The following FRS2 variants were observed in gnomAD, a reference collection of about 807,000 sequenced individuals.
The protein encoded by FRS2 is fibroblast growth factor receptor substrate 2.
In FRS2, 8 loss-of-function variants were observed where a neutral mutation model predicts 43.9. The observed-to-expected ratio is 0.18, with a 90% CI of 0.11 to 0.33. The LOEUF (loss-of-function observed/expected upper bound fraction) is 0.33, where lower values mean the gene tolerates loss of function less well. FRS2 is among the 10% of genes least tolerant of loss of function. The pLI is 1.00. For missense variants in FRS2, 534 were observed against 627.6 expected, an observed-to-expected ratio of 0.85 and a Z score of 1.59; for synonymous variants, 219 against 220.3, an observed-to-expected ratio of 0.99 and a Z score of 0.05.
Position 69,530,971 on chromosome 12 carries a change from C to T in FRS2, c.-165+11C>T, listed in dbSNP as rs1876727791. 1 of 149,132 alleles carries T rather than the reference C, an allele frequency of 6.7e-6. No homozygotes were observed. The highest frequency in any genetic ancestry group is 2.5e-5 in the African/African-American group (1 of 39,502). The allele number at this position is 149,132 out of a possible 1,614,324, so 9.2% of individuals were successfully genotyped here. A position where few individuals can be genotyped will look rare whatever the true frequency, so the allele number is the denominator to read the frequency against. ...ATGTCAACCAGCTTGGTAAGTGTGG[C>T]CAAATCTTTTTTTTTTTTTTTTTAA... On this transcript the variant is annotated intron_variant, in intron 2 of 8. Transcript: ENST00000549921.
intron 3 of FRS2, among the ~76,000 whole-genome samples, chr12:69,539,424 G>A (rs1877659397): frequency 6.6e-6 from 1 of 152,118 alleles, no homozygotes; most frequent in African/African-American, 2.4e-5. Context: ...TACATAATGA[G>A]ATATCTTGGG....
chr12:69,570,025 C>T (rs1379113607), intron 5 of FRS2, among the ~76,000 whole-genome samples: 1 of 152,318 alleles, frequency 6.6e-6, no homozygotes, highest in East Asian at 1.9e-4. Context: ...CCCTCCTCCT[C>T]TTAAATGAAG....
chr12:69,527,343 A>ATTTTTTTTTT (rs1166365306), intron 1 of FRS2, among the ~76,000 whole-genome samples: 7,942 of 83,960 alleles, frequency 0.095, 794 homozygotes, highest in East Asian at 0.12. Context: ...TTTTTTAATG[A>ATTTTTTTTTT]TTTTTTTTTT....
chr12:69,567,974 C>A (rs1180125343), intron 4 of FRS2, among the ~76,000 whole-genome samples: 1 of 152,200 alleles, frequency 6.6e-6, no homozygotes, highest in South Asian at 2.1e-4. Flanking sequence ...AAGCTTCAAT[C>A]AAATTTATGT....
intron 1 of FRS2, among the ~76,000 whole-genome samples, chr12:69,482,365 G>A (rs568253227): frequency 5.3e-5 from 8 of 152,118 alleles, no homozygotes; most frequent in Non-Finnish European, 8.8e-5. Flanking sequence ...TTGATATTAC[G>A]GGAGTGTTGG....
At chr12:69,556,033 G>A (rs1879317927) in intron 3 of FRS2, among the ~76,000 whole-genome samples, 1 of 150,408 alleles carries the variant, frequency 6.6e-6, no homozygotes, top group African/African-American at 2.4e-5. Flanking sequence ...TGTACACATG[G>A]TATACACATT....
At chr12:69,570,562 T>C (rs1195151157) in intron 6 of FRS2, 45 bp downstream of exon 6, 1 of 1,183,904 alleles carries the variant, frequency 8.4e-7, no homozygotes, top group African/African-American at 1.5e-5. Context: ...TTGAAATTGT[T>C]TTTTCAGCTA....
intron 3 of FRS2, among the ~76,000 whole-genome samples, chr12:69,538,568 G>A (rs1336598470): frequency 6.6e-6 from 1 of 151,662 alleles, no homozygotes. Context: ...AATGTTTAAG[G>A]TAAGGAGTGT....
At chr12:69,559,957 G>A (rs1490727140) in intron 3 of FRS2, among the ~76,000 whole-genome samples, 1 of 152,084 alleles carries the variant, frequency 6.6e-6, no homozygotes, top group East Asian at 1.9e-4. Flanking sequence ...CAAAATTACT[G>A]TAGTATAAGC....
At chr12:69,505,928 G>A (rs1273781684) in intron 1 of FRS2, among the ~76,000 whole-genome samples, 1 of 152,092 alleles carries the variant, frequency 6.6e-6, no homozygotes, top group East Asian at 1.9e-4. Flanking sequence ...TTGGTTGATT[G>A]CAATCCACCC....
chr12:69,575,427 A>C lies in FRS2; in HGVS notation c.*472A>C, dbSNP rs1320337631. 1 of 154,764 alleles carries C rather than the reference A, an allele frequency of 6.5e-6. No individual in the cohort carries two copies. Among genetic ancestry groups the C allele is most frequent in the Non-Finnish European group, 1.4e-5 (1 of 69,528 alleles). 9.6% of individuals were successfully genotyped at this position (154,764 alleles called of 1,614,324 possible). The stretch of plus-strand genomic sequence containing the variant: ...ACATGAGGAATCCTTTATTTCATTA[A>C]TTAATGGCTTTTTGACTTGAGCCAA... On this transcript the variant is annotated 3_prime_UTR_variant, in exon 9 of 9. Transcript: ENST00000549921.
intron 3 of FRS2, among the ~76,000 whole-genome samples, chr12:69,545,249 A>T (rs1878266930): frequency 6.6e-6 from 1 of 152,206 alleles, no homozygotes; most frequent in Non-Finnish European, 1.5e-5. Context: ...TATCAAAACC[A>T]CAATGATGAG....
At chr12:69,555,557 G>A (rs899809224) in intron 3 of FRS2, among the ~76,000 whole-genome samples, 9 of 152,154 alleles carry the variant, frequency 5.9e-5, no homozygotes, top group African/African-American at 2.2e-4. Context: ...ACAACACAGG[G>A]TTTGAACCGT....
At position 69,571,301 on chromosome 12, in the gene FRS2, T is replaced by C; in HGVS notation, c.279T>C (p.Arg93=). ...GAATCTTTGCCTTTAAGTGTGCCCG[T>C]GCAGAAGAATTATTTAACATGTTGC... is the stretch of plus-strand genomic sequence containing the variant. ...GQGIFAFKCA[R]AEELFNMLQE... Residue 93 remains arginine (R), a synonymous_variant, in exon 7 of 9, where the codon CGT becomes CGC. Coordinates refer to ENST00000549921, the MANE Select transcript of FRS2 (RefSeq NM_001278356.2). 1 of 1,609,772 alleles carries C rather than the reference T, an allele frequency of 6.2e-7. No homozygotes were observed. Among genetic ancestry groups the C allele is most frequent in the South Asian group, 1.1e-5 (1 of 90,428 alleles).
At chr12:69,552,283 C>T (rs1200898780) in intron 3 of FRS2, among the ~76,000 whole-genome samples, 1 of 88,694 alleles carries the variant, frequency 1.1e-5, no homozygotes, top group Non-Finnish European at 2.0e-5. Context: ...GCCTGGGCAA[C>T]AAGAGCGAAA....
At chr12:69,516,565 C>T (rs1045066337) in intron 1 of FRS2, among the ~76,000 whole-genome samples, 1 of 152,070 alleles carries the variant, frequency 6.6e-6, no homozygotes, top group Non-Finnish European at 1.5e-5. Flanking sequence ...TCTTGTAGAC[C>T]GTCTGAATGT....
Position 69,496,813 on chromosome 12 carries a change from A to G in FRS2, c.-261+26283A>G, listed in dbSNP as rs542244177. The stretch of plus-strand genomic sequence containing the variant: ...CATAACAAATAGGAATCATACATTT[A>G]TATCTAAGAATATAATTGGAACTAA... On this transcript the variant is annotated intron_variant, in intron 1 of 8. Coordinates refer to ENST00000549921, the MANE Select transcript of FRS2 (RefSeq NM_001278356.2). 3.3e-5 allele frequency among the ~76,000 whole-genome samples: 5 copies of G among 152,344 alleles called. No homozygotes were observed. In the East Asian group the frequency reaches 9.7e-4, roughly 29 times the overall value.
chr12:69,486,405 G>A (rs1235931171), intron 1 of FRS2: 1 of 152,130 alleles, frequency 6.6e-6, no homozygotes, highest in African/African-American at 2.4e-5. Context: ...TGCCCATATA[G>A]GATGGTGAAC....
At chr12:69,485,172 CTTAT>C (rs112733263) in intron 1 of FRS2, among the ~76,000 whole-genome samples, 74,256 of 145,888 alleles carry the variant, frequency 0.51, 21,995 homozygotes, top group African/African-American at 0.82. Context: ...CAGAAGTTTA[CTTAT>C]TTATTTATTT....
Sources: gnomAD v4.1 joint callset for allele counts (sites outside exome capture counted in the v4.1 genomes callset) on GRCh38, gnomAD v4.1.1 for gene constraint, MANE v1.5 for transcripts, NCBI Gene and HGNC (gene_info 2026-07-23, HGNC 2026-07-21) for gene names.